WNT5A: variants seen among roughly 807,000 people sequenced by gnomAD.
WNT5A encodes the protein protein Wnt-5a.
In WNT5A, 9 loss-of-function variants were observed where a neutral mutation model predicts 42.1. That is an observed-to-expected ratio of 0.21 (90% CI 0.13 to 0.37). The LOEUF is 0.37. Among genes scored for constraint, WNT5A ranks in the 10% least tolerant of loss-of-function variants. WNT5A has a pLI of 1.00. For missense variants in WNT5A, 426 were observed against 534.0 expected, an observed-to-expected ratio of 0.80 and a Z score of 1.99; for synonymous variants, 210 against 210.0, an observed-to-expected ratio of 1.00 and a Z score of 0.00.
At chr3:55,478,692 T>C (rs1431217329) in intron 3 of WNT5A, among the ~76,000 whole-genome samples, 1 of 152,038 alleles carries the variant, frequency 6.6e-6, no homozygotes, top group Admixed American at 6.5e-5. Context: ...TTTTTTCAAG[T>C]TCCTAGGTTG....
At chr3:55,499,365 G>A in the WNT5A span, among the ~76,000 whole-genome samples, 4 of 152,120 alleles carry the variant, frequency 2.6e-5, no homozygotes, top group Non-Finnish European at 2.9e-5. Context: ...AATGCAAAGC[G>A]GGAAGACAGT....
At chr3:55,502,868 T>G in the WNT5A span, among the ~76,000 whole-genome samples, 1 of 152,178 alleles carries the variant, frequency 6.6e-6, no homozygotes, top group Non-Finnish European at 1.5e-5. Flanking sequence ...GAGGAAATGG[T>G]CCTATTCAAA....
At position 55,483,321 on chromosome 3, in the gene WNT5A, C is replaced by T. The variant is rs1484187139; in HGVS notation, c.7-2403G>A. 2.0e-5 allele frequency among the ~76,000 whole-genome samples: 3 copies of T among 152,164 alleles called. No homozygotes were observed. Among genetic ancestry groups the T allele is most frequent in the African/African-American group, 4.8e-5 (2 of 41,448 alleles). ...CTTAACCCCGCCGCTTGCCCGGAAA[C>T]ACCTTGGCCCTCTTCCCTCTTCAAT... On this transcript the variant is annotated intron_variant, in intron 1 of 4. Transcript: ENST00000264634. This position sits in a 1 kb window ranked among gnomAD's most constrained non-coding sequence, Gnocchi z 4.2.
At chr3:55,476,294 A>C (rs2051355780) in intron 3 of WNT5A, among the ~76,000 whole-genome samples, 1 of 152,214 alleles carries the variant, frequency 6.6e-6, no homozygotes. Context: ...TTTCAAAATG[A>C]ATGACTTGAA....
chr3:55,494,688 G>T (rs1441008249), upstream of WNT5A, among the ~76,000 whole-genome samples: 1 of 152,264 alleles, frequency 6.6e-6, no homozygotes, highest in African/African-American at 2.4e-5. Context: ...AAAGGCGCCT[G>T]CCACCACGCC....
chr3:55,468,786 A>G lies in WNT5A; in HGVS notation c.*1306T>C, dbSNP rs2051192528. 1 of 152,650 alleles carries G rather than the reference A, an allele frequency of 6.6e-6. No homozygotes were observed. Among genetic ancestry groups the G allele is most frequent in the East Asian group, 1.9e-4 (1 of 5,200 alleles). 9.5% of individuals were successfully genotyped at this position (152,650 alleles called of 1,614,324 possible). A position where few individuals can be genotyped will look rare whatever the true frequency, so the allele number is the denominator to read the frequency against. ...GGTACACCTGCAGTACAATAGGAGA[A>G]GCATGAGTGGATAATCTAAACACAG... On this transcript the variant is annotated 3_prime_UTR_variant, in exon 5 of 5. Coordinates refer to ENST00000264634, the MANE Select transcript of WNT5A (RefSeq NM_003392.7).
chr3:55,483,362 A>G lies in WNT5A; in HGVS notation c.7-2444T>C, dbSNP rs997263167. On this transcript the variant is annotated intron_variant, in intron 1 of 4. Transcript: ENST00000264634. This position sits in a 1 kb window ranked among gnomAD's most constrained non-coding sequence, Gnocchi z 4.2. Reference sequence around the variant, plus strand: ...CCTCTTCAATCCCAGTGCAACCGAGAAAAGGCCCCACAAGTTTGAGACACT... The same window carrying G: ...CCTCTTCAATCCCAGTGCAACCGAGGAAAGGCCCCACAAGTTTGAGACACT... Among the ~76,000 whole-genome samples the G allele has an allele frequency of 6.6e-6, 1 of 152,166 alleles. No homozygotes were observed. The highest frequency in any genetic ancestry group is 1.5e-5 in the Non-Finnish European group (1 of 68,024).
chr3:55,487,744 G>C (rs1171809902), upstream of WNT5A: 1 of 152,356 alleles, frequency 6.6e-6, no homozygotes, highest in Non-Finnish European at 1.5e-5. Flanking sequence ...TTTTTCTCCG[G>C]GAGATGCCGC....
intron 1 of WNT5A, among the ~76,000 whole-genome samples, chr3:55,482,005 G>A (rs2051474334): frequency 6.6e-6 from 1 of 152,274 alleles, no homozygotes; most frequent in South Asian, 2.1e-4. Flanking sequence ...CTTTGCCATC[G>A]CGGCACTGCG....
intron 1 of WNT5A, among the ~76,000 whole-genome samples, chr3:55,484,162 G>C (rs1336226303): frequency 1.3e-5 from 2 of 152,052 alleles, no homozygotes; most frequent in African/African-American, 4.8e-5. Context: ...GGGGAGGATG[G>C]GAAACTCCAA....
In WNT5A at chr3:55,483,774, C is replaced by T. The variant is rs1450880976; in HGVS notation, c.7-2856G>A. Among the ~76,000 whole-genome samples the T allele has an allele frequency of 6.6e-6, 1 of 152,116 alleles. No homozygotes were observed. Among genetic ancestry groups the T allele is most frequent in the Admixed American group, 6.5e-5 (1 of 15,288 alleles). On this transcript the variant is annotated intron_variant, in intron 1 of 4. Coordinates refer to ENST00000264634, the MANE Select transcript of WNT5A (RefSeq NM_003392.7). This position sits in a 1 kb window ranked among gnomAD's most constrained non-coding sequence, Gnocchi z 4.2. The stretch of plus-strand genomic sequence containing the variant: ...CTCCCTTTCTATGTATCCCTCAAAG[C>T]CTTCGCGTCGGATTAAAGGTGTTCT...
At chr3:55,503,991 T>C in the WNT5A span, among the ~76,000 whole-genome samples, 1 of 151,702 alleles carries the variant, frequency 6.6e-6, no homozygotes, top group African/African-American at 2.4e-5. Context: ...AGAATAAATT[T>C]TGGGGCACGG....
intron 3 of WNT5A, among the ~76,000 whole-genome samples, chr3:55,476,129 A>C (rs1229384465): frequency 6.6e-6 from 1 of 152,234 alleles, no homozygotes; most frequent in Non-Finnish European, 1.5e-5. Context: ...AACAGGACTC[A>C]GTCTGAACGA....
At chr3:55,476,073 C>A (rs2051352204) in intron 3 of WNT5A, among the ~76,000 whole-genome samples, 1 of 152,150 alleles carries the variant, frequency 6.6e-6, no homozygotes, top group African/African-American at 2.4e-5. Context: ...AGCTTGCTAA[C>A]AATCTTTTTT....
At chr3:55,502,456 G>A in the WNT5A span, among the ~76,000 whole-genome samples, 1 of 152,214 alleles carries the variant, frequency 6.6e-6, no homozygotes, top group Middle Eastern at 3.4e-3. Context: ...CTGCAACTTA[G>A]TTCCACCTTG....
chr3:55,488,500 G>T (rs531013222), upstream of WNT5A, among the ~76,000 whole-genome samples: 1 of 146,538 alleles, frequency 6.8e-6, no homozygotes, highest in Non-Finnish European at 1.6e-5. Context: ...GAGGGAAGGG[G>T]GGGGAAGAAA....
rs770199302 is a variant in WNT5A, at chr3:55,470,331, T to C, written c.904A>G (p.Ile302Val). 6 of 1,614,052 alleles carry C rather than the reference T, an allele frequency of 3.7e-6. No individual in the cohort carries two copies. Among genetic ancestry groups the C allele is most frequent in the African/African-American group, 1.3e-5 (1 of 75,072 alleles). ...NSPTTQDLVY[I>V]DPSPDYCVRN... ...ACGCAGTAGTCAGGGCTGGGGTCGA[T>C]GTAGACCAGGTCTTGTGTGGTGGGC... is the stretch of plus-strand genomic sequence containing the variant. The change falls in exon 5 of 5, where the codon ATC becomes GTC. Residue 302 changes from isoleucine to valine, a missense_variant. Physicochemically the swap from Ile to Val is conservative, Grantham distance 29. This residue lies in a region of WNT5A where 358 missense variants were observed against 468.1 expected (regional missense o/e 0.76). Transcript: ENST00000264634.
At chr3:55,472,411 C>T (rs2051269048) in intron 4 of WNT5A, among the ~76,000 whole-genome samples, 1 of 152,162 alleles carries the variant, frequency 6.6e-6, no homozygotes, top group Non-Finnish European at 1.5e-5. Flanking sequence ...GAGTCAGACA[C>T]ATCTCTCTTT....
the WNT5A span, among the ~76,000 whole-genome samples, chr3:55,497,042 A>C: frequency 1.3e-5 from 2 of 152,190 alleles, no homozygotes; most frequent in African/African-American, 4.8e-5. Context: ...CCACCCATTC[A>C]TTCATTTGTC....
Sources: gnomAD v4.1 joint callset for allele counts (sites outside exome capture counted in the v4.1 genomes callset) on GRCh38, gnomAD v4.1.1 for gene constraint, gnomAD v4.1.1 regional missense constraint, Gnocchi (gnomAD v3.1) non-coding constraint, MANE v1.5 for transcripts, NCBI Gene and HGNC (gene_info 2026-07-23, HGNC 2026-07-21) for gene names.